Variants in TYW1 observed in about 807,000 individuals in gnomAD.
TYW1 encodes the protein S-adenosyl-L-methionine-dependent tRNA 4-demethylwyosine synthase TYW1.
In TYW1, 46 loss-of-function variants were observed where a neutral mutation model predicts 96.2. The ratio of observed to expected loss-of-function variants is 0.48; its 90% confidence interval spans 0.38 to 0.61. The LOEUF is 0.61. Ranked by LOEUF, TYW1 falls within the 20% of genes least tolerant of loss-of-function variation. The pLI is 0.00. For synonymous variants in TYW1, 274 were observed against 323.0 expected, an observed-to-expected ratio of 0.85 and a Z score of 1.63; for missense variants, 684 against 909.6, an observed-to-expected ratio of 0.75 and a Z score of 3.19.
intron 13 of TYW1, among the ~76,000 whole-genome samples, chr7:67,160,480 T>C (rs2116214604): frequency 6.8e-6 from 1 of 147,986 alleles, no homozygotes; most frequent in Non-Finnish European, 1.5e-5. Flanking sequence ...TTTTATGACT[T>C]GCAAATGTGT....
chr7:67,067,455 A>G (rs752371499), intron 10 of TYW1, 52 bp downstream of exon 10: 4 of 1,600,680 alleles, frequency 2.5e-6, no homozygotes, highest in Non-Finnish European at 3.4e-6. Context: ...AGCTGTGGTA[A>G]TCAATCTGCC....
chr7:67,090,359 C>T (rs1337485945), intron 11 of TYW1, among the ~76,000 whole-genome samples: 1 of 152,250 alleles, frequency 6.6e-6, no homozygotes, highest in African/African-American at 2.4e-5. Context: ...TATTTCTGAT[C>T]GGCCCAAACT....
At chr7:67,172,648 C>G (rs1260231740) in intron 13 of TYW1, among the ~76,000 whole-genome samples, 9 of 152,090 alleles carry the variant, frequency 5.9e-5, no homozygotes, top group Non-Finnish European at 1.2e-4. Context: ...GTCTTGGACT[C>G]CTGACCTCAG....
intron 11 of TYW1, chr7:67,089,396 G>A: frequency 8.0e-7 from 1 of 1,250,496 alleles, no homozygotes; most frequent in Non-Finnish European, 1.2e-6. Flanking sequence ...TGGTGGGGAG[G>A]CCTGCTGGTA....
intron 15 of TYW1, among the ~76,000 whole-genome samples, chr7:67,232,987 A>G (rs1191026001): frequency 1.6e-5 from 1 of 63,834 alleles, no homozygotes; most frequent in Non-Finnish European, 3.0e-5. Flanking sequence ...TACCTCCTCA[A>G]TCCATGCTTC....
At chr7:67,015,373 G>A (rs1584464857) in intron 5 of TYW1, among the ~76,000 whole-genome samples, 1 of 151,880 alleles carries the variant, frequency 6.6e-6, no homozygotes, top group Non-Finnish European at 1.5e-5. Flanking sequence ...ATTTTTTCAG[G>A]ACAGGGTCTT....
In TYW1 at chr7:67,014,450, A is replaced by G; in HGVS notation, c.459A>G (p.Lys153=). 2 of 1,613,968 alleles carry G rather than the reference A, an allele frequency of 1.2e-6. No individual in the cohort carries two copies. The highest frequency in any genetic ancestry group is 1.7e-6 in the Non-Finnish European group (2 of 1,179,870). The change falls in exon 5 of 16, where the codon AAA becomes AAG. Residue 153 remains lysine (K), a synonymous_variant. Transcript: ENST00000359626. The part of the protein sequence containing the change: ...LPTESAEWFC[K]WLEEASIDFR... ...CTGAAAGTGCAGAGTGGTTCTGCAAATGGTTAGAGGAAGCATCCATTGATT... is the reference window on the plus strand; with the variant it reads ...CTGAAAGTGCAGAGTGGTTCTGCAAGTGGTTAGAGGAAGCATCCATTGATT...
chr7:67,164,449 A>T (rs1321959454), intron 13 of TYW1, among the ~76,000 whole-genome samples: 1 of 137,298 alleles, frequency 7.3e-6, no homozygotes, highest in East Asian at 1.9e-4. Context: ...TCTACTAAAA[A>T]ATACAAAAAA....
intron 7 of TYW1, among the ~76,000 whole-genome samples, chr7:67,041,097 A>G (rs1010066258): frequency 4.6e-5 from 7 of 152,270 alleles, no homozygotes; most frequent in African/African-American, 1.7e-4. Flanking sequence ...TAAAATCATC[A>G]GGTCTTTGGG....
intron 3 of TYW1, among the ~76,000 whole-genome samples, chr7:67,002,127 A>G (rs1174716593): frequency 6.6e-6 from 1 of 151,424 alleles, no homozygotes; most frequent in Non-Finnish European, 1.5e-5. Flanking sequence ...AGTTCACTGC[A>G]GCCTCGACCT....
At chr7:67,133,269 C>G (rs955106142) in intron 13 of TYW1, among the ~76,000 whole-genome samples, 3 of 151,904 alleles carry the variant, frequency 2.0e-5, no homozygotes, top group Non-Finnish European at 4.4e-5. Flanking sequence ...CCCCACGAAG[C>G]TCGGACTACA....
chr7:67,210,237 T>C (rs1800954884), intron 15 of TYW1, among the ~76,000 whole-genome samples: 1 of 152,186 alleles, frequency 6.6e-6, no homozygotes. Context: ...TGCCCTATTA[T>C]TGAAATTTGT....
intron 15 of TYW1, among the ~76,000 whole-genome samples, chr7:67,225,332 G>A (rs1801528165): frequency 6.6e-6 from 1 of 152,080 alleles, no homozygotes; most frequent in Non-Finnish European, 1.5e-5. Context: ...AAGGTGAAAT[G>A]TCCTTTGGAA....
At chr7:67,129,078 G>A (rs187762347) in intron 13 of TYW1, among the ~76,000 whole-genome samples, 1 of 152,306 alleles carries the variant, frequency 6.6e-6, no homozygotes, top group Non-Finnish European at 1.5e-5. Flanking sequence ...GGACAGGTTG[G>A]CTAGAGTGTG....
intron 13 of TYW1, among the ~76,000 whole-genome samples, chr7:67,131,139 G>A (rs1011329008): frequency 1.3e-5 from 2 of 151,822 alleles, no homozygotes; most frequent in Non-Finnish European, 2.9e-5. Flanking sequence ...CTGAAACAAG[G>A]CTACCAAGGT....
Position 67,234,237 on chromosome 7 carries a change from C to T in TYW1, c.1978-4071C>T, listed in dbSNP as rs1373361018. Among the ~76,000 whole-genome samples the T allele has an allele frequency of 4.3e-5, 5 of 115,200 alleles. 2 individuals are homozygous for T. The highest frequency in any genetic ancestry group is 9.2e-5 in the Non-Finnish European group (5 of 54,220). The allele number at this position is 115,200 out of a possible 152,430, so 75.6% of individuals were successfully genotyped here. The stretch of plus-strand genomic sequence containing the variant: ...TGACATGTACCTGTAATCTGAGCTA[C>T]GCAGGAGGCTGAGGTGGGAGGATGG... On this transcript the variant is annotated intron_variant, in intron 15 of 15. Coordinates refer to ENST00000359626, the MANE Select transcript of TYW1 (RefSeq NM_018264.4).
intron 13 of TYW1, among the ~76,000 whole-genome samples, chr7:67,151,276 T>G (rs1337575681): frequency 6.6e-6 from 1 of 152,152 alleles, no homozygotes; most frequent in East Asian, 1.9e-4. Flanking sequence ...CTTGAACTCC[T>G]GACCTCAGGT....
intron 14 of TYW1, among the ~76,000 whole-genome samples, chr7:67,192,884 T>C (rs1420854421): frequency 2.6e-5 from 4 of 152,198 alleles, no homozygotes; most frequent in African/African-American, 9.6e-5. Context: ...CTCAGATTAG[T>C]AAGTGATTGG....
intron 8 of TYW1, among the ~76,000 whole-genome samples, chr7:67,055,216 A>G (rs1340784055): frequency 6.6e-6 from 1 of 152,172 alleles, no homozygotes; most frequent in East Asian, 1.9e-4. Context: ...TGTTGCTTAC[A>G]TCTTTTAGAG....
Sources: allele counts gnomAD v4.1 joint callset (sites outside exome capture counted in the v4.1 genomes callset), GRCh38; gene constraint gnomAD v4.1.1; transcripts MANE v1.5; gene names NCBI Gene and HGNC (gene_info 2026-07-23, HGNC 2026-07-21).